The following KCNT2 variants were observed in gnomAD, a reference collection of about 807,000 sequenced individuals.
The protein encoded by KCNT2 is potassium sodium-activated channel subfamily T member 2, also known as potassium channel subfamily T member 2.
A neutral mutation model predicts 153.8 loss-of-function variants in KCNT2; 67 were observed. The observed-to-expected ratio is 0.44, with a 90% CI of 0.36 to 0.53. The LOEUF (loss-of-function observed/expected upper bound fraction) is 0.53, where lower values mean the gene tolerates loss of function less well. Among genes scored for constraint, KCNT2 ranks in the 20% least tolerant of loss-of-function variants. The probability of loss-of-function intolerance (pLI) is 0.00; values close to 1 mark genes in which losing one functional copy is unlikely to be tolerated. For synonymous variants in KCNT2, 500 were observed against 458.8 expected (o/e 1.09, Z -1.15); for missense variants, 975 against 1,354.8 (o/e 0.72, Z 4.40).
intron 22 of KCNT2, among the ~76,000 whole-genome samples, chr1:196,287,382 G>A (rs186172332): frequency 6.6e-6 from 1 of 151,970 alleles, no homozygotes; most frequent in African/African-American, 2.4e-5. Context: ...CAAATTAAAG[G>A]GAGTAGCCAG....
chr1:196,469,010 A>G lies in KCNT2; in HGVS notation c.443T>C (p.Val148Ala). 6.3e-7 allele frequency: 1 copy of G among 1,596,956 alleles called. No individual in the cohort carries two copies. Among genetic ancestry groups the G allele is most frequent in the Non-Finnish European group, 8.6e-7 (1 of 1,167,300 alleles). ...AGGACTTACTGAGATAATGAAGGGA[A>G]CTGCATTAATTATTTCCAAGATGAA... ...IPFILEIINA[V>A]PFIISIFWPS... is the part of the protein sequence containing the mutation. The change falls in exon 6 of 28, where the codon GTT (valine) becomes GCT (alanine). Residue 148 changes from valine to alanine, a missense_variant. Transcript: ENST00000294725.
chr1:196,570,653 G>T (rs1660672820), intron 1 of KCNT2, among the ~76,000 whole-genome samples: 1 of 152,024 alleles, frequency 6.6e-6, no homozygotes, highest in Admixed American at 6.6e-5. Context: ...GCAGATTAGG[G>T]TGCTATACAG....
At chr1:196,252,915 T>C (rs781660922) in intron 26 of KCNT2, among the ~76,000 whole-genome samples, 15 of 151,488 alleles carry the variant, frequency 9.9e-5, no homozygotes, top group Non-Finnish European at 1.9e-4. Flanking sequence ...ACAAGAAGTC[T>C]GTTTACATTT....
chr1:196,301,786 C>T (rs1026968047), intron 22 of KCNT2, among the ~76,000 whole-genome samples: 1 of 152,246 alleles, frequency 6.6e-6, no homozygotes, highest in African/African-American at 2.4e-5. Context: ...GTCGCCCAGG[C>T]TGGAGTGCAA....
intron 1 of KCNT2, among the ~76,000 whole-genome samples, chr1:196,537,907 C>T (rs1261319858): frequency 1.3e-5 from 2 of 152,160 alleles, no homozygotes; most frequent in Non-Finnish European, 2.9e-5. Flanking sequence ...CCCAGGTCTG[C>T]ATTCACAGCA....
intron 13 of KCNT2, among the ~76,000 whole-genome samples, chr1:196,389,656 C>T: frequency 6.6e-6 from 1 of 151,648 alleles, no homozygotes; most frequent in Admixed American, 6.6e-5. Flanking sequence ...TGGATATCTT[C>T]ACTGCAGACT....
chr1:196,408,119 T>C (rs1671985934), intron 12 of KCNT2, among the ~76,000 whole-genome samples: 2 of 151,534 alleles, frequency 1.3e-5, no homozygotes, highest in Non-Finnish European at 3.0e-5. Context: ...TCTTAACTGT[T>C]ATTTCACTAA....
intron 1 of KCNT2, among the ~76,000 whole-genome samples, chr1:196,583,888 A>T (rs952862062): frequency 2.6e-5 from 4 of 152,088 alleles, no homozygotes; most frequent in Non-Finnish European, 5.9e-5. Flanking sequence ...TATATAGGGT[A>T]CTGAAGGTCT....
At chr1:196,426,074 T>A in intron 10 of KCNT2, 86 bp from the exon 11 acceptor site, 1 of 1,028,678 alleles carries the variant, frequency 9.7e-7, no homozygotes. Flanking sequence ...TAAGAAAAAT[T>A]TGAAATATGA....
chr1:196,250,463 C>T (rs535606571), intron 26 of KCNT2, among the ~76,000 whole-genome samples: 5 of 152,098 alleles, frequency 3.3e-5, no homozygotes, highest in Non-Finnish European at 7.4e-5. Context: ...TACCTCTCAC[C>T]ATTTACAAAA....
At position 196,426,072 on chromosome 1, in the gene KCNT2, A is replaced by T. The variant is rs1378560186; in HGVS notation, c.985-84T>A. On this transcript the variant is annotated intron_variant, in intron 10 of 27. Transcript: ENST00000294725. ...TAGAAAAATAAAATATCTAAGAAAA[A>T]TTTGAAATATGATAAAACTGAAATG... is the stretch of plus-strand genomic sequence containing the variant. 2.9e-6 allele frequency: 3 copies of T among 1,041,904 alleles called. No individual in the cohort carries two copies. The East Asian group carries it at 7.9e-5, about 27-fold the overall frequency. 64.5% of individuals were successfully genotyped at this position (1,041,904 alleles called of 1,614,324 possible). A position where few individuals can be genotyped will look rare whatever the true frequency, so the allele number is the denominator to read the frequency against.
At chr1:196,476,541 C>A (rs1419902550) in intron 5 of KCNT2, among the ~76,000 whole-genome samples, 1 of 151,994 alleles carries the variant, frequency 6.6e-6, no homozygotes, top group African/African-American at 2.4e-5. Flanking sequence ...TTAGTACTTT[C>A]TAGGTAATTT....
chr1:196,242,714 T>C lies in KCNT2; in HGVS notation c.3212-6644A>G, dbSNP rs532078308. Among the ~76,000 whole-genome samples, 9 of 152,282 alleles carry C rather than the reference T, an allele frequency of 5.9e-5. No homozygotes were observed. The East Asian group carries it at 7.7e-4, about 13-fold the overall frequency. On this transcript the variant is annotated intron_variant, in intron 26 of 27. Transcript: ENST00000294725. Reference sequence around the variant, plus strand: ...TCTGAGGACACAGCAATGAACAAGATAGGCAAAGTTTTTGCCTTCACAGAC... The same window carrying C: ...TCTGAGGACACAGCAATGAACAAGACAGGCAAAGTTTTTGCCTTCACAGAC...
At chr1:196,408,645 G>A (rs886725849) in intron 12 of KCNT2, among the ~76,000 whole-genome samples, 3 of 151,508 alleles carry the variant, frequency 2.0e-5, no homozygotes, top group African/African-American at 7.2e-5. Context: ...TTACCCATGG[G>A]TTACTTATGG....
chr1:196,328,153 G>A (rs1664071422), intron 18 of KCNT2, among the ~76,000 whole-genome samples: 1 of 151,948 alleles, frequency 6.6e-6, no homozygotes, highest in Admixed American at 6.6e-5. Flanking sequence ...AGAACAAGAG[G>A]CTATGTAAAA....
chr1:196,556,307 C>A (rs1421949393), intron 1 of KCNT2, among the ~76,000 whole-genome samples: 2 of 151,026 alleles, frequency 1.3e-5, no homozygotes, highest in East Asian at 3.9e-4. Flanking sequence ...ATAGGAAAAC[C>A]ATCTAATAAT....
intron 23 of KCNT2, among the ~76,000 whole-genome samples, chr1:196,282,637 T>A (rs1036048037): frequency 6.6e-5 from 10 of 152,232 alleles, no homozygotes; most frequent in East Asian, 1.9e-4. Context: ...TGATAAAAAA[T>A]TTTTAGAATT....
chr1:196,510,379 C>T (rs945610506), intron 1 of KCNT2, among the ~76,000 whole-genome samples: 1 of 152,062 alleles, frequency 6.6e-6, no homozygotes, highest in Non-Finnish European at 1.5e-5. Context: ...AAATCATAAA[C>T]AATGAAACTG....
intron 1 of KCNT2, among the ~76,000 whole-genome samples, chr1:196,532,299 G>A (rs1046271046): frequency 6.6e-6 from 1 of 151,910 alleles, no homozygotes. Context: ...CAGGGAAAAA[G>A]TAGGTGATAT....
Sources: allele counts gnomAD v4.1 joint callset (sites outside exome capture counted in the v4.1 genomes callset), GRCh38; gene constraint gnomAD v4.1.1; transcripts MANE v1.5; gene names NCBI Gene and HGNC (gene_info 2026-07-23, HGNC 2026-07-21).